RXRG: variants seen among roughly 807,000 people sequenced by gnomAD.
RXRG encodes retinoid X receptor gamma.
Under a neutral mutation model 49.2 loss-of-function variants are expected in RXRG, and 19 were observed. That is an observed-to-expected ratio of 0.39 (90% CI 0.27 to 0.57). RXRG has a LOEUF of 0.57. Ranked by LOEUF, RXRG falls within the 20% of genes least tolerant of loss-of-function variation. RXRG has a pLI of 0.64. For missense variants in RXRG, 452 were observed against 592.5 expected (o/e 0.76, Z 2.46); for synonymous variants, 224 against 216.6 (o/e 1.03, Z -0.30).
At chr1:165,417,997 G>C (rs1658181491) in intron 3 of RXRG, among the ~76,000 whole-genome samples, 1 of 150,988 alleles carries the variant, frequency 6.6e-6, no homozygotes, top group Non-Finnish European at 1.5e-5. Flanking sequence ...TGTGGTCTCA[G>C]CTACTCCAGA....
rs1363426261 is a variant in RXRG at position 165,420,077 on chromosome 1, G to A, written c.298-63C>T. ...AGTAAATTCAATCCCCAAGGCCTAA[G>A]GCAATGAGGGCTTACTCAAGAAAAA... On this transcript the variant is annotated intron_variant, in intron 2 of 9. Coordinates refer to ENST00000359842, the MANE Select transcript of RXRG (RefSeq NM_006917.5). 1.1e-5 allele frequency: 14 copies of A among 1,306,170 alleles called. No homozygotes were observed. In the Admixed American group the frequency reaches 3.5e-4, roughly 32 times the overall value. The allele number at this position is 1,306,170 out of a possible 1,614,324, so 80.9% of individuals were successfully genotyped here. A position where few individuals can be genotyped will look rare whatever the true frequency, so the allele number is the denominator to read the frequency against.
intron 2 of RXRG, chr1:165,425,008 C>T: frequency 3.1e-6 from 3 of 972,620 alleles, no homozygotes; most frequent in Non-Finnish European, 3.7e-6. Context: ...ACTTGGCAAG[C>T]TTAATATAGC....
intron 3 of RXRG, among the ~76,000 whole-genome samples, chr1:165,418,948 A>G (rs925947970): frequency 6.6e-6 from 1 of 152,248 alleles, no homozygotes; most frequent in African/African-American, 2.4e-5. Context: ...CAATGGAGTG[A>G]CATTCTTTAG....
At chr1:165,442,780 C>T (rs189792924) in intron 1 of RXRG, among the ~76,000 whole-genome samples, 15 of 152,284 alleles carry the variant, frequency 9.9e-5, no homozygotes, top group African/African-American at 3.6e-4. Flanking sequence ...TTTCACAATA[C>T]TCTAAGGATG....
intron 2 of RXRG, 21 bp downstream of exon 2, chr1:165,428,698 T>C (rs2101734726): frequency 6.4e-7 from 1 of 1,567,026 alleles, no homozygotes; most frequent in East Asian, 2.3e-5. Context: ...TGGAAAGGCC[T>C]TGGAGAGGAA....
At chr1:165,417,770 T>C (rs1658172414) in intron 3 of RXRG, among the ~76,000 whole-genome samples, 1 of 152,118 alleles carries the variant, frequency 6.6e-6, no homozygotes, top group Admixed American at 6.6e-5. Context: ...CTTTATATCA[T>C]CATATGACAA....
intron 8 of RXRG, among the ~76,000 whole-genome samples, chr1:165,408,017 A>T (rs1230058377): frequency 6.6e-6 from 1 of 152,044 alleles, no homozygotes; most frequent in Non-Finnish European, 1.5e-5. Context: ...GTCATCTTTC[A>T]TCTTCCCCAC....
intron 9 of RXRG, 104 bp downstream of exon 9, chr1:165,406,708 C>G (rs1288704356): frequency 1.2e-6 from 1 of 821,082 alleles, no homozygotes; most frequent in African/African-American, 1.7e-5. Flanking sequence ...GATTAAATAA[C>G]ATTTAAAAAC....
intron 1 of RXRG, among the ~76,000 whole-genome samples, chr1:165,438,350 C>CAAAAAAA (rs775016611): frequency 6.8e-6 from 1 of 148,064 alleles, no homozygotes; most frequent in Non-Finnish European, 1.5e-5. Context: ...GCAAATATTC[C>CAAAAAAA]AAAATAAAAA....
chr1:165,441,731 G>A (rs1282833482), intron 1 of RXRG, among the ~76,000 whole-genome samples: 2 of 152,170 alleles, frequency 1.3e-5, no homozygotes, highest in Admixed American at 6.5e-5. Flanking sequence ...ATTGGATGGG[G>A]GGGATTACAG....
intron 1 of RXRG, among the ~76,000 whole-genome samples, chr1:165,442,502 T>G (rs1659039159): frequency 6.6e-6 from 1 of 152,224 alleles, no homozygotes; most frequent in Non-Finnish European, 1.5e-5. Context: ...AGCTGAACCA[T>G]TGTGTTTACT....
intron 1 of RXRG, among the ~76,000 whole-genome samples, chr1:165,439,068 T>A (rs1658902303): frequency 6.6e-6 from 1 of 152,108 alleles, no homozygotes; most frequent in Non-Finnish European, 1.5e-5. Context: ...TGTTCACATG[T>A]GTTACTTAGA....
chr1:165,437,545 T>C (rs983933198), intron 1 of RXRG, among the ~76,000 whole-genome samples: 1 of 152,150 alleles, frequency 6.6e-6, no homozygotes, highest in African/African-American at 2.4e-5. Context: ...TCTATAGAGA[T>C]TGCCCTGTTC....
At chr1:165,408,033 C>T (rs1248122495) in intron 8 of RXRG, among the ~76,000 whole-genome samples, 194 bp downstream of exon 8, 2 of 152,166 alleles carry the variant, frequency 1.3e-5, no homozygotes, top group Non-Finnish European at 2.9e-5. Context: ...CCCACTTGCC[C>T]CAGACACGCG....
At chr1:165,431,123 G>A (rs1277768958) in intron 1 of RXRG, among the ~76,000 whole-genome samples, 1 of 152,142 alleles carries the variant, frequency 6.6e-6, no homozygotes, top group Non-Finnish European at 1.5e-5. Flanking sequence ...CAGATTACCT[G>A]GCACTGCCCA....
chr1:165,441,792 A>G (rs1364139103), intron 1 of RXRG, among the ~76,000 whole-genome samples: 1 of 152,182 alleles, frequency 6.6e-6, no homozygotes, highest in Non-Finnish European at 1.5e-5. Flanking sequence ...TCCCAGAAAA[A>G]CAAACCTATT....
At chr1:165,437,049 G>A in intron 1 of RXRG, 1 of 1,269,230 alleles carries the variant, frequency 7.9e-7, no homozygotes. Flanking sequence ...TTTCATTTCT[G>A]TGACTCAAAA....
At chr1:165,420,099 A>G (rs964181578) in intron 2 of RXRG, 85 bp from the exon 3 acceptor site, 2 of 1,091,706 alleles carry the variant, frequency 1.8e-6, no homozygotes, top group South Asian at 2.8e-5. Flanking sequence ...TTACTCAAGA[A>G]AAAACAAGTT....
chr1:165,428,341 T>G (rs1557922100), intron 2 of RXRG, among the ~76,000 whole-genome samples: 1 of 152,258 alleles, frequency 6.6e-6, no homozygotes, highest in African/African-American at 2.4e-5. Flanking sequence ...TCCTGATCAT[T>G]TCTGCATTGC....
Sources: allele counts gnomAD v4.1 joint callset (sites outside exome capture counted in the v4.1 genomes callset), GRCh38; gene constraint gnomAD v4.1.1; transcripts MANE v1.5; gene names NCBI Gene and HGNC (gene_info 2026-07-23, HGNC 2026-07-21).